The following LRRC8C variants were observed in gnomAD, a reference collection of about 807,000 sequenced individuals.
The protein encoded by LRRC8C is volume-regulated anion channel subunit LRRC8C.
LRRC8C carries 20 observed loss-of-function variants against 55.3 expected under a neutral mutation model. That is an observed-to-expected ratio of 0.36 (90% CI 0.25 to 0.53). The LOEUF is 0.53. Ranked by LOEUF, LRRC8C falls within the 20% of genes least tolerant of loss-of-function variation. The pLI, the probability that LRRC8C is intolerant of heterozygous loss-of-function variation, is 0.92. For missense variants in LRRC8C, 659 were observed against 951.4 expected (o/e 0.69, Z 4.04); for synonymous variants, 376 against 360.7 (o/e 1.04, Z -0.48).
In LRRC8C at chr1:89,714,300, C is replaced by G; in HGVS notation, c.1730C>G (p.Thr577Ser). 6.2e-7 allele frequency: 1 copy of G among 1,614,116 alleles called. No homozygotes were observed. Among genetic ancestry groups the G allele is most frequent in the Non-Finnish European group, 8.5e-7 (1 of 1,180,010 alleles). The change falls in exon 3 of 3, where the codon ACC becomes AGC. Residue 577 changes from threonine to serine, a missense_variant. Physicochemically the swap from Thr to Ser is moderately conservative, Grantham distance 58. Coordinates refer to ENST00000370454, the MANE Select transcript of LRRC8C (RefSeq NM_032270.5). This position sits in a 1 kb window ranked among gnomAD's most constrained non-coding sequence, Gnocchi z 4.6. Reference sequence around the variant, plus strand: ...AAGATGTGCATACATAATGATGGCACCAAGCTGGTGATGCTCAACAACTTA... The same window carrying G: ...AAGATGTGCATACATAATGATGGCAGCAAGCTGGTGATGCTCAACAACTTA... ...LQKMCIHNDG[T>S]KLVMLNNLKK... is the part of the protein sequence containing the mutation.
chr1:89,702,525 A>T (rs1429717752), intron 2 of LRRC8C, among the ~76,000 whole-genome samples: 1 of 152,212 alleles, frequency 6.6e-6, no homozygotes, highest in East Asian at 1.9e-4. Flanking sequence ...ACTTGAGCCC[A>T]GGAGTTCAAA....
intron 1 of LRRC8C, among the ~76,000 whole-genome samples, chr1:89,673,581 T>C (rs891446057): frequency 6.6e-6 from 1 of 152,222 alleles, no homozygotes; most frequent in African/African-American, 2.4e-5. Flanking sequence ...CTTTTTTTTC[T>C]GACATAGGAT....
Position 89,659,057 on chromosome 1 carries a change from TTTTTTGTG to T in LRRC8C, c.-5+25737_-5+25744del, listed in dbSNP as rs1255933538. 2.5e-3 allele frequency among the ~76,000 whole-genome samples: 205 copies of T among 81,660 alleles called. 13 individuals carry two copies. Among genetic ancestry groups the T allele is most frequent in the African/African-American group, 7.8e-3 (162 of 20,856 alleles). The allele number at this position is 81,660 out of a possible 152,430, so 53.6% of individuals were successfully genotyped here. ...GTTGTGTCTTCTCCAGGTTTTTTTT[TTTTTTGTG>T]TGTGTGTGTGTGTGTGTGTGTGTGT... On this transcript the variant is annotated intron_variant, in intron 1 of 2. Transcript: ENST00000370454.
At chr1:89,644,882 T>G (rs1170217991) in intron 1 of LRRC8C, among the ~76,000 whole-genome samples, 1 of 152,206 alleles carries the variant, frequency 6.6e-6, no homozygotes, top group Non-Finnish European at 1.5e-5. Flanking sequence ...GAAGACAGTT[T>G]AGTTTCAGTA....
chr1:89,633,972 G>T (rs1313744951), intron 1 of LRRC8C, among the ~76,000 whole-genome samples: 1 of 152,104 alleles, frequency 6.6e-6, no homozygotes, highest in East Asian at 1.9e-4. Flanking sequence ...TTTCCAGCTG[G>T]TTCCCACCAA....
At chr1:89,645,020 G>A (rs1462063170) in intron 1 of LRRC8C, among the ~76,000 whole-genome samples, 1 of 152,136 alleles carries the variant, frequency 6.6e-6, no homozygotes, top group African/African-American at 2.4e-5. Flanking sequence ...GCATGAAAAT[G>A]CACAGGAAAT....
rs1269871397 is a variant in LRRC8C at position 89,715,600 on chromosome 1, TA to T, written c.*619del. 1 of 152,212 alleles carries T rather than the reference TA, an allele frequency of 6.6e-6. No homozygotes were observed. Among genetic ancestry groups the T allele is most frequent in the African/African-American group, 2.4e-5 (1 of 41,458 alleles). 9.4% of individuals were successfully genotyped at this position (152,212 alleles called of 1,614,324 possible). On this transcript the variant is annotated 3_prime_UTR_variant, in exon 3 of 3. Coordinates refer to ENST00000370454, the MANE Select transcript of LRRC8C (RefSeq NM_032270.5). ...TTTTGTGAGTGAAGAAAATAATCTTTAGTGGCTGGTATGTTTGAATTAGGCC... is the reference window on the plus strand; with the variant it reads ...TTTTGTGAGTGAAGAAAATAATCTTTGTGGCTGGTATGTTTGAATTAGGCC...
intron 1 of LRRC8C, among the ~76,000 whole-genome samples, chr1:89,667,161 G>A (rs568547895): frequency 6.0e-4 from 92 of 152,206 alleles, no homozygotes; most frequent in African/African-American, 1.9e-3. Flanking sequence ...TCCTTAGACC[G>A]TTTTCTCCTC....
At chr1:89,659,101 GTGTGT>G (rs1657043863) in intron 1 of LRRC8C, among the ~76,000 whole-genome samples, 1 of 129,984 alleles carries the variant, frequency 7.7e-6, no homozygotes, top group Non-Finnish European at 1.6e-5. Flanking sequence ...GTGTGTGTGT[GTGTGT>G]GTCTGTGATG....
intron 1 of LRRC8C, among the ~76,000 whole-genome samples, chr1:89,650,965 T>C (rs946053874): frequency 6.6e-6 from 1 of 152,204 alleles, no homozygotes; most frequent in African/African-American, 2.4e-5. Context: ...TCCCTTCAGA[T>C]GGCCATTAGA....
chr1:89,630,613 G>A (rs1261426670), upstream of LRRC8C, among the ~76,000 whole-genome samples: 1 of 152,172 alleles, frequency 6.6e-6, no homozygotes, highest in African/African-American at 2.4e-5. Context: ...TCTCCTTCCT[G>A]GAGATGTGCT....
At chr1:89,621,046 C>T in the LRRC8C span, among the ~76,000 whole-genome samples, 2 of 152,124 alleles carry the variant, frequency 1.3e-5, no homozygotes, top group Admixed American at 6.5e-5. Flanking sequence ...TTGCATGAAG[C>T]CTTTTTATTG....
At chr1:89,663,888 C>G (rs1657185243) in intron 1 of LRRC8C, among the ~76,000 whole-genome samples, 1 of 152,100 alleles carries the variant, frequency 6.6e-6, no homozygotes, top group South Asian at 2.1e-4. Flanking sequence ...TGATGATGAG[C>G]TTTTTTTCAT....
intron 1 of LRRC8C, among the ~76,000 whole-genome samples, chr1:89,668,770 G>A (rs968448088): frequency 6.6e-6 from 1 of 152,110 alleles, no homozygotes; most frequent in East Asian, 1.9e-4. Flanking sequence ...GTACAGAAAA[G>A]ATAATACCTA....
At chr1:89,652,514 TTGGGGCTCTCTGTCA>T (rs1419202982) in intron 1 of LRRC8C, among the ~76,000 whole-genome samples, 1 of 151,996 alleles carries the variant, frequency 6.6e-6, no homozygotes, top group East Asian at 1.9e-4. Context: ...TAGAACAGAG[TTGGGGCTCTCTGTCA>T]TGGGTTTAGT....
chr1:89,642,159 A>T (rs914730458), intron 1 of LRRC8C, among the ~76,000 whole-genome samples: 1 of 152,196 alleles, frequency 6.6e-6, no homozygotes. Context: ...TGCCTCTAGT[A>T]CTTGTAACTG....
intron 1 of LRRC8C, among the ~76,000 whole-genome samples, chr1:89,644,485 C>T (rs1656558238): frequency 1.3e-5 from 2 of 152,182 alleles, no homozygotes; most frequent in African/African-American, 4.8e-5. Flanking sequence ...GGAATGCAAC[C>T]AAAGCAAGTA....
chr1:89,626,960 G>GAC, the LRRC8C span: 27,396 of 122,436 alleles, frequency 0.22, 3,229 homozygotes, highest in Middle Eastern at 0.3. Context: ...CTCTAGTCTA[G>GAC]ACACACACAC....
intron 2 of LRRC8C, 93 bp downstream of exon 2, chr1:89,686,704 T>C: frequency 7.2e-7 from 1 of 1,397,092 alleles, no homozygotes. Context: ...TTTTTAACCA[T>C]GTAAGTATTA....
Sources: gnomAD v4.1 joint callset for allele counts (sites outside exome capture counted in the v4.1 genomes callset) on GRCh38, gnomAD v4.1.1 for gene constraint, Gnocchi (gnomAD v3.1) non-coding constraint, MANE v1.5 for transcripts, NCBI Gene and HGNC (gene_info 2026-07-23, HGNC 2026-07-21) for gene names.